The following EFCAB11 variants were observed in gnomAD, a reference collection of about 807,000 sequenced individuals.
EFCAB11 encodes the protein EF-hand calcium binding domain 11.
In EFCAB11, 14 loss-of-function variants were observed where a neutral mutation model predicts 23.0. The ratio of observed to expected loss-of-function variants is 0.61; its 90% confidence interval spans 0.40 to 0.95. EFCAB11 has a LOEUF of 0.95. Ranked by LOEUF, EFCAB11 falls within the 40% of genes least tolerant of loss-of-function variation. The pLI is 0.00. For synonymous variants in EFCAB11, 65 were observed against 66.6 expected, an observed-to-expected ratio of 0.98 and a Z score of 0.11; for missense variants, 198 against 195.8, an observed-to-expected ratio of 1.01 and a Z score of -0.07.
intron 5 of EFCAB11, among the ~76,000 whole-genome samples, chr14:89,863,955 T>G (rs1402493277): frequency 6.6e-6 from 1 of 152,206 alleles, no homozygotes; most frequent in Non-Finnish European, 1.5e-5. Flanking sequence ...AAACAAAAGA[T>G]CATCAAACTT....
chr14:89,949,812 A>G (rs1260563596), intron 3 of EFCAB11, among the ~76,000 whole-genome samples: 1 of 152,348 alleles, frequency 6.6e-6, no homozygotes, highest in South Asian at 2.1e-4. Flanking sequence ...CCTCACAATC[A>G]TGGCAGAAGG....
intron 5 of EFCAB11, among the ~76,000 whole-genome samples, chr14:89,930,077 C>T (rs921447349): frequency 3.3e-5 from 5 of 152,136 alleles, no homozygotes; most frequent in Admixed American, 6.5e-5. Flanking sequence ...TACAAAGATG[C>T]TACATTTTAA....
chr14:89,892,131 C>T (rs1336818025), intron 5 of EFCAB11: 1 of 1,554,492 alleles, frequency 6.4e-7, no homozygotes, highest in Non-Finnish European at 8.7e-7. Flanking sequence ...GAGGTCATGG[C>T]CACTCAGGGC....
At chr14:89,950,020 G>A in intron 3 of EFCAB11, 77 bp downstream of exon 3, 1 of 1,395,736 alleles carries the variant, frequency 7.2e-7, no homozygotes, top group Non-Finnish European at 9.7e-7. Context: ...TTTGAGATGA[G>A]ACTGATGTAG....
chr14:89,858,747 G>A (rs1308388732), intron 5 of EFCAB11, among the ~76,000 whole-genome samples: 1 of 142,354 alleles, frequency 7.0e-6, no homozygotes, highest in African/African-American at 2.6e-5. Flanking sequence ...CGATCTGCCT[G>A]CTTTGGCCTC....
chr14:89,912,580 T>C (rs1320204365), intron 5 of EFCAB11, among the ~76,000 whole-genome samples: 1 of 152,230 alleles, frequency 6.6e-6, no homozygotes, highest in Non-Finnish European at 1.5e-5. Context: ...ACATGACCTA[T>C]TTTTCCAGTG....
chr14:89,833,812 G>C (rs1249560790), intron 5 of EFCAB11, among the ~76,000 whole-genome samples: 2 of 152,144 alleles, frequency 1.3e-5, no homozygotes, highest in Admixed American at 6.5e-5. Context: ...AACACTGTGT[G>C]GCTTAAATTT....
intron 5 of EFCAB11, among the ~76,000 whole-genome samples, chr14:89,838,443 GA>G (rs535309838): frequency 1.4e-4 from 20 of 142,450 alleles, no homozygotes; most frequent in South Asian, 4.4e-4. Context: ...AGATAAAAAG[GA>G]AAAAAAAAAA....
At chr14:89,933,400 T>C (rs773452556) in intron 3 of EFCAB11, among the ~76,000 whole-genome samples, 1 of 147,918 alleles carries the variant, frequency 6.8e-6, no homozygotes, top group African/African-American at 2.6e-5. Flanking sequence ...TAACTCAGAA[T>C]TTCCATAAAA....
intron 5 of EFCAB11, among the ~76,000 whole-genome samples, chr14:89,889,875 G>A (rs1888906866): frequency 6.6e-6 from 1 of 152,220 alleles, no homozygotes; most frequent in Non-Finnish European, 1.5e-5. Flanking sequence ...CTGGCATCTG[G>A]TTTCCCCTGG....
intron 5 of EFCAB11, among the ~76,000 whole-genome samples, chr14:89,912,493 C>T (rs2139770002): frequency 6.6e-6 from 1 of 152,200 alleles, no homozygotes; most frequent in African/African-American, 2.4e-5. Flanking sequence ...GCTTCCTGGG[C>T]TTAGTTAGCA....
At chr14:89,808,193 T>C (rs1886034440) in intron 5 of EFCAB11, among the ~76,000 whole-genome samples, 1 of 152,186 alleles carries the variant, frequency 6.6e-6, no homozygotes, top group Non-Finnish European at 1.5e-5. Context: ...ATGTTAATAA[T>C]ATAATGATAT....
At chr14:89,940,063 C>CT (rs1890738468) in intron 3 of EFCAB11, among the ~76,000 whole-genome samples, 1 of 152,182 alleles carries the variant, frequency 6.6e-6, no homozygotes, top group Non-Finnish European at 1.5e-5. Flanking sequence ...TTTTAAATGT[C>CT]TTTAGGTCAG....
intron 5 of EFCAB11, among the ~76,000 whole-genome samples, chr14:89,884,846 T>C (rs1232134835): frequency 3.3e-5 from 5 of 152,170 alleles, no homozygotes; most frequent in Admixed American, 1.3e-4. Context: ...CATAAGGGAT[T>C]AGTGCTCTTA....
Position 89,909,504 on chromosome 14 carries a change from C to CG in EFCAB11, c.410+22036dup, listed in dbSNP as rs11354199. 6.3e-4 allele frequency among the ~76,000 whole-genome samples: 96 copies of CG among 152,000 alleles called. 1 individual carries two copies. Among genetic ancestry groups the CG allele is most frequent in the Non-Finnish European group, 4.4e-4 (30 of 67,954 alleles). ...TGAGGCAGGGAGAATAGCTTGAAGC[C>CG]GGGGGGGCGGACGTTGCAGTGAGCT... On this transcript the variant is annotated intron_variant, in intron 5 of 5. Transcript: ENST00000316738.
At chr14:89,919,070 C>T (rs533394602) in intron 5 of EFCAB11, among the ~76,000 whole-genome samples, 1 of 151,952 alleles carries the variant, frequency 6.6e-6, no homozygotes, top group East Asian at 1.9e-4. Context: ...TCAGTTTCTG[C>T]CTGTACTGTG....
chr14:89,806,115 T>A (rs899939618), intron 5 of EFCAB11, among the ~76,000 whole-genome samples: 1 of 152,098 alleles, frequency 6.6e-6, no homozygotes, highest in African/African-American at 2.4e-5. Flanking sequence ...ACGGAATAAA[T>A]TCTCCAGTCC....
At chr14:89,880,490 A>G (rs1159987857) in intron 5 of EFCAB11, among the ~76,000 whole-genome samples, 2 of 152,250 alleles carry the variant, frequency 1.3e-5, no homozygotes, top group Non-Finnish European at 2.9e-5. Flanking sequence ...AAGGTGCTCA[A>G]GTTAACTGAT....
At chr14:89,869,154 G>C (rs1375389515) in intron 5 of EFCAB11, among the ~76,000 whole-genome samples, 1 of 152,182 alleles carries the variant, frequency 6.6e-6, no homozygotes, top group East Asian at 1.9e-4. Flanking sequence ...AGTGATGCAT[G>C]TTCACAACAC....
Sources: allele counts gnomAD v4.1 joint callset (sites outside exome capture counted in the v4.1 genomes callset), GRCh38; gene constraint gnomAD v4.1.1; transcripts MANE v1.5; gene names NCBI Gene and HGNC (gene_info 2026-07-23, HGNC 2026-07-21).